UBAC2: variants seen among roughly 807,000 people sequenced by gnomAD.
The protein encoded by UBAC2 is ubiquitin-associated domain-containing protein 2.
In UBAC2, 26 loss-of-function variants were observed where a neutral mutation model predicts 44.0. The ratio of observed to expected loss-of-function variants is 0.59; its 90% CI spans 0.43 to 0.82. UBAC2 has a LOEUF of 0.82. Ranked by LOEUF, UBAC2 falls within the 40% of genes least tolerant of loss-of-function variation. The pLI is 0.00. For missense variants in UBAC2, 329 were observed against 419.4 expected (o/e 0.78, Z 1.88); for synonymous variants, 155 against 154.3 (o/e 1.00, Z -0.04).
At chr13:99,330,611 T>G (rs922916550) in intron 6 of UBAC2, among the ~76,000 whole-genome samples, 3 of 152,074 alleles carry the variant, frequency 2.0e-5, no homozygotes, top group African/African-American at 7.2e-5. Context: ...GAAATAAGTT[T>G]TATGTGTTTA....
rs1566534376 is a variant in UBAC2, at chr13:99,385,739, A to T, written c.*404A>T. 5.6e-6 allele frequency: 1 copy of T among 179,248 alleles called. No individual in the cohort carries two copies. The highest frequency in any genetic ancestry group is 2.3e-5 in the African/African-American group (1 of 42,572). 11.1% of individuals were successfully genotyped at this position (179,248 alleles called of 1,614,324 possible). ...AGAGGGTAATGTTACTTCACAAAGG[A>T]CATGTCAGATCCTTCTTCATGGACT... On this transcript the variant is annotated 3_prime_UTR_variant, in exon 9 of 9. Transcript: ENST00000403766.
At chr13:99,253,049 T>C (rs911239814) in intron 4 of UBAC2, among the ~76,000 whole-genome samples, 4 of 151,032 alleles carry the variant, frequency 2.6e-5, no homozygotes, top group African/African-American at 9.7e-5. Flanking sequence ...TTTCTTGTTT[T>C]AGAAATAATT....
intron 1 of UBAC2, among the ~76,000 whole-genome samples, chr13:99,237,814 G>A (rs2043256103): frequency 6.6e-6 from 1 of 152,144 alleles, no homozygotes; most frequent in South Asian, 2.1e-4. Context: ...AATTAGCCAG[G>A]CATGGTGGCA....
chr13:99,375,467 C>T (rs1314535537), intron 8 of UBAC2, among the ~76,000 whole-genome samples: 1 of 152,094 alleles, frequency 6.6e-6, no homozygotes, highest in Non-Finnish European at 1.5e-5. Context: ...CATCTGGGCT[C>T]CCCCAACAGG....
At chr13:99,364,289 A>T (rs1258156991) in intron 7 of UBAC2, among the ~76,000 whole-genome samples, 1 of 150,856 alleles carries the variant, frequency 6.6e-6, no homozygotes, top group Non-Finnish European at 1.5e-5. Flanking sequence ...TTTCTCCTTC[A>T]AACTGTTAAT....
At chr13:99,354,768 GCTT>G (rs1449465562) in intron 7 of UBAC2, among the ~76,000 whole-genome samples, 2 of 152,140 alleles carry the variant, frequency 1.3e-5, no homozygotes, top group African/African-American at 4.8e-5. Context: ...TTGTGAAAGG[GCTT>G]CTTGTGCACA....
chr13:99,256,692 CTT>C (rs2043565101), intron 4 of UBAC2, among the ~76,000 whole-genome samples: 1 of 133,082 alleles, frequency 7.5e-6, no homozygotes, highest in Non-Finnish European at 1.6e-5. Context: ...TATGTAGAAA[CTT>C]ATAAATTTCC....
At chr13:99,210,628 C>T (rs2042927554) in intron 1 of UBAC2, among the ~76,000 whole-genome samples, 2 of 152,040 alleles carry the variant, frequency 1.3e-5, no homozygotes, top group African/African-American at 4.8e-5. Flanking sequence ...TAGGCATGCA[C>T]CACCACGTCC....
At position 99,356,594 on chromosome 13, in the gene UBAC2, C is replaced by CTAGT. The variant is rs571516134; in HGVS notation, c.808-11192_808-11191insAGTT. Among the ~76,000 whole-genome samples the CTAGT allele has an allele frequency of 6.8e-3, 1,029 of 152,294 alleles. 9 individuals are homozygous for CTAGT. Among genetic ancestry groups the CTAGT allele is most frequent in the African/African-American group, 0.024 (994 of 41,552 alleles). ...CGAGAGCTGCAAAACTAGCCTGGGA[C>CTAGT]TTTGTTCAAGCGATCATCTCCTTTC... On this transcript the variant is annotated intron_variant, in intron 7 of 8. Coordinates refer to ENST00000403766, the MANE Select transcript of UBAC2 (RefSeq NM_001144072.2).
intron 4 of UBAC2, chr13:99,307,868 T>C (rs2044359296): frequency 6.6e-6 from 1 of 152,216 alleles, no homozygotes; most frequent in African/African-American, 2.4e-5. Context: ...TATCCACAGC[T>C]TATGAGAAAG....
At chr13:99,331,853 G>A (rs1261838204) in intron 6 of UBAC2, among the ~76,000 whole-genome samples, 1 of 152,034 alleles carries the variant, frequency 6.6e-6, no homozygotes, top group Non-Finnish European at 1.5e-5. Context: ...GGATTTTTCT[G>A]TTTTGCTCCT....
At chr13:99,205,399 C>A (rs535299954) in intron 1 of UBAC2, among the ~76,000 whole-genome samples, 1 of 152,108 alleles carries the variant, frequency 6.6e-6, no homozygotes, top group Non-Finnish European at 1.5e-5. Flanking sequence ...CTCTTGGTCA[C>A]GGAGCGGTGG....
chr13:99,239,000 G>C (rs2043270866), intron 2 of UBAC2, among the ~76,000 whole-genome samples: 1 of 152,188 alleles, frequency 6.6e-6, no homozygotes, highest in Non-Finnish European at 1.5e-5. Flanking sequence ...AATTTCTCTT[G>C]AGTTTCTGCT....
intron 7 of UBAC2, among the ~76,000 whole-genome samples, chr13:99,348,003 C>T (rs1409928371): frequency 6.6e-6 from 1 of 152,074 alleles, no homozygotes; most frequent in Admixed American, 6.6e-5. Flanking sequence ...GTTCCTTGCC[C>T]GCTGACTCAC....
intron 4 of UBAC2, among the ~76,000 whole-genome samples, chr13:99,293,388 G>T (rs1404222641): frequency 1.3e-5 from 2 of 152,126 alleles, no homozygotes; most frequent in African/African-American, 4.8e-5. Context: ...TGTAGTCACA[G>T]AACCAGGGCA....
intron 1 of UBAC2, among the ~76,000 whole-genome samples, chr13:99,229,628 T>C (rs2043150404): frequency 6.6e-6 from 1 of 152,230 alleles, no homozygotes; most frequent in Non-Finnish European, 1.5e-5. Flanking sequence ...GTCCTTGCTT[T>C]GCAAGGTGAT....
intron 1 of UBAC2, among the ~76,000 whole-genome samples, chr13:99,231,147 A>G (rs1361094261): frequency 6.6e-6 from 1 of 152,170 alleles, no homozygotes; most frequent in Admixed American, 6.6e-5. Context: ...TCTGTCTGCA[A>G]CCTTAACTCC....
At chr13:99,366,000 G>A (rs527983190) in intron 7 of UBAC2, among the ~76,000 whole-genome samples, 1 of 151,980 alleles carries the variant, frequency 6.6e-6, no homozygotes, top group Non-Finnish European at 1.5e-5. Flanking sequence ...TATTTATTTG[G>A]CATGAATGTA....
chr13:99,244,410 C>CACAT, intron 3 of UBAC2, 105 bp from the exon 4 acceptor site: 1 of 653,698 alleles, frequency 1.5e-6, no homozygotes. Flanking sequence ...TACACACACA[C>CACAT]ACATACATAT....
Sources: allele counts gnomAD v4.1 joint callset (sites outside exome capture counted in the v4.1 genomes callset), GRCh38; gene constraint gnomAD v4.1.1; transcripts MANE v1.5; gene names NCBI Gene and HGNC (gene_info 2026-07-23, HGNC 2026-07-21).